The following NECTIN2 variants were observed in gnomAD, a reference collection of about 807,000 sequenced individuals.
The protein encoded by NECTIN2 is nectin cell adhesion molecule 2.
In NECTIN2, 23 loss-of-function variants were observed where a neutral mutation model predicts 56.9. That is an observed-to-expected ratio of 0.40 (90% CI 0.29 to 0.57). NECTIN2 has a LOEUF of 0.57. NECTIN2 is among the 20% of genes least tolerant of loss of function. NECTIN2 has a pLI of 0.38. For synonymous variants in NECTIN2, 302 were observed against 313.8 expected (o/e 0.96, Z 0.40); for missense variants, 587 against 718.3 (o/e 0.82, Z 2.09).
chr19:44,878,280 G>A, intron 5 of NECTIN2: 1 of 1,216,264 alleles, frequency 8.2e-7, no homozygotes, highest in Non-Finnish European at 1.2e-6. Flanking sequence ...GCCGTGGGGG[G>A]GACACTGCTG....
At position 44,874,368 on chromosome 19, in the gene NECTIN2, G is replaced by A; in HGVS notation, c.932G>A (p.Gly311Asp). ...GTFPTSAVAQ[G>D]SQLVIHAVDS... Reference sequence around the variant, plus strand: ...TTCCCGACCTCCGCAGTGGCCCAGGGCTCCCAGCTGGTCATCCACGCAGTG... The same window carrying A: ...TTCCCGACCTCCGCAGTGGCCCAGGACTCCCAGCTGGTCATCCACGCAGTG... Residue 311 changes from glycine to aspartate, a missense_variant, in exon 5 of 9, where the codon GGC (glycine) becomes GAC (aspartate). Transcript: ENST00000252483. The surrounding 1 kb of genome is among the most constrained non-coding windows in gnomAD (Gnocchi z 6.3). 3 of 1,614,148 alleles carry A rather than the reference G, an allele frequency of 1.9e-6. No individual in the cohort carries two copies. The South Asian group carries it at 3.3e-5, about 18-fold the overall frequency.
At chr19:44,881,716 G>T (rs1420051227) in intron 5 of NECTIN2, among the ~76,000 whole-genome samples, 1 of 152,082 alleles carries the variant, frequency 6.6e-6, no homozygotes, top group African/African-American at 2.4e-5. Flanking sequence ...CAAGCCTCCT[G>T]CAGGGCCGCT....
chr19:44,856,527 G>A (rs1016446265), intron 1 of NECTIN2, among the ~76,000 whole-genome samples: 5 of 152,118 alleles, frequency 3.3e-5, no homozygotes, highest in African/African-American at 9.7e-5. Context: ...AACTTCCTCG[G>A]CCCCAGCCTA....
intron 6 of NECTIN2, among the ~76,000 whole-genome samples, chr19:44,885,373 G>A (rs1483262635): frequency 2.0e-5 from 3 of 148,040 alleles, no homozygotes; most frequent in Non-Finnish European, 4.4e-5. Flanking sequence ...CTGGAGTGGA[G>A]TGATCTCATC....
intron 5 of NECTIN2, among the ~76,000 whole-genome samples, chr19:44,880,919 C>T (rs138380698): frequency 0.02 from 3,103 of 151,692 alleles, 116 homozygotes; most frequent in African/African-American, 0.07. Flanking sequence ...ATTACAGGCG[C>T]GCGCTAGCAT....
chr19:44,855,484 G>C (rs1968955806), intron 1 of NECTIN2, among the ~76,000 whole-genome samples: 1 of 152,060 alleles, frequency 6.6e-6, no homozygotes, highest in Admixed American at 6.5e-5. Context: ...GAGGTGAAGG[G>C]TGTGGGGCTC....
At chr19:44,881,694 CAT>C (rs1285555832) in intron 5 of NECTIN2, among the ~76,000 whole-genome samples, 2 of 152,048 alleles carry the variant, frequency 1.3e-5, no homozygotes, top group East Asian at 3.9e-4. Context: ...CAAAAAAAAC[CAT>C]AGAGCCCCAC....
chr19:44,846,992 C>T (rs1261150894), intron 1 of NECTIN2, among the ~76,000 whole-genome samples: 6 of 152,098 alleles, frequency 3.9e-5, no homozygotes, highest in Non-Finnish European at 7.4e-5. Context: ...TCTGTCTCCT[C>T]TACCCCTCTC....
At chr19:44,871,787 T>C in intron 2 of NECTIN2, 66 bp from the exon 3 acceptor site, 1 of 1,538,522 alleles carries the variant, frequency 6.5e-7, no homozygotes, top group East Asian at 2.3e-5. Flanking sequence ...ACCCTGCTCC[T>C]CTGCTGAGTG....
chr19:44,881,121 C>G (rs894949040), intron 5 of NECTIN2, among the ~76,000 whole-genome samples: 3 of 151,816 alleles, frequency 2.0e-5, no homozygotes, highest in African/African-American at 7.3e-5. Context: ...AGGTCTTGTG[C>G]TCGTTGCCCT....
chr19:44,857,647 C>A (rs1387231871), intron 1 of NECTIN2, among the ~76,000 whole-genome samples: 1 of 151,958 alleles, frequency 6.6e-6, no homozygotes, highest in African/African-American at 2.4e-5. Flanking sequence ...GGTGATCCAC[C>A]TGCTTTGGCC....
At chr19:44,868,428 A>ATT (rs34165484) in intron 2 of NECTIN2, among the ~76,000 whole-genome samples, 1 of 142,422 alleles carries the variant, frequency 7.0e-6, no homozygotes, top group Non-Finnish European at 1.5e-5. Flanking sequence ...GGCAGGGAAG[A>ATT]TTTTTTTTGA....
chr19:44,869,611 A>AAG (rs1969148912), intron 2 of NECTIN2, among the ~76,000 whole-genome samples: 2 of 140,180 alleles, frequency 1.4e-5, no homozygotes, highest in Non-Finnish European at 3.0e-5. Context: ...AAAAAAAAAG[A>AAG]AAAGAAAATA....
rs187771888 is a variant in NECTIN2 at position 44,871,911 on chromosome 19, A to G, written c.537A>G (p.Thr179=). 94 of 1,614,206 alleles carry G rather than the reference A, an allele frequency of 5.8e-5. No homozygotes were observed. The East Asian group carries it at 2.1e-3, about 35-fold the overall frequency. The part of the protein sequence containing the change: ...QKVTFSQDPT[T]VALCISKEGR... ...TCACGTTCAGCCAGGACCCTACGAC[A>G]GTGGCCCTCTGCATCTCCAAAGAGG... Residue 179 remains threonine (T), a synonymous_variant, in exon 3 of 9, where the codon ACA becomes ACG. Transcript: ENST00000252483.
At chr19:44,880,475 CTTTTTTTTTTT>C (rs4013742) in intron 5 of NECTIN2, among the ~76,000 whole-genome samples, 18 of 68,874 alleles carry the variant, frequency 2.6e-4, no homozygotes, top group East Asian at 7.7e-4. Context: ...CCTGTCTTGC[CTTTTTTTTTTT>C]TTTTTTTTTT....
intron 3 of NECTIN2, among the ~76,000 whole-genome samples, chr19:44,873,125 T>A (rs1399222714): frequency 6.6e-6 from 1 of 151,914 alleles, no homozygotes; most frequent in East Asian, 1.9e-4. Flanking sequence ...AATGACCACA[T>A]ATCCCAACTC....
intron 1 of NECTIN2, among the ~76,000 whole-genome samples, chr19:44,861,085 T>G (rs1284058052): frequency 6.6e-6 from 1 of 152,006 alleles, no homozygotes; most frequent in Non-Finnish European, 1.5e-5. Context: ...AATGCAAATT[T>G]AAACCACAAT....
At chr19:44,867,653 T>C (rs1969117050) in intron 2 of NECTIN2, among the ~76,000 whole-genome samples, 1 of 152,008 alleles carries the variant, frequency 6.6e-6, no homozygotes, top group South Asian at 2.1e-4. Flanking sequence ...CACAGAAACC[T>C]GGGAGGTGGG....
intron 1 of NECTIN2, among the ~76,000 whole-genome samples, chr19:44,864,712 CAGGTACT>C (rs1969075903): frequency 6.6e-6 from 1 of 152,094 alleles, no homozygotes; most frequent in South Asian, 2.1e-4. Context: ...CCTGTAGTCC[CAGGTACT>C]CAGGAGGCTG....
Sources: allele counts gnomAD v4.1 joint callset (sites outside exome capture counted in the v4.1 genomes callset), GRCh38; gene constraint gnomAD v4.1.1; non-coding constraint Gnocchi (gnomAD v3.1); transcripts MANE v1.5; gene names NCBI Gene and HGNC (gene_info 2026-07-23, HGNC 2026-07-21).